COP1: variants seen among roughly 807,000 people sequenced by gnomAD.
The protein encoded by COP1 is E3 ubiquitin-protein ligase COP1.
In COP1, 24 loss-of-function variants were observed where a neutral mutation model predicts 101.3. The observed-to-expected ratio is 0.24, with a 90% CI of 0.17 to 0.33. The LOEUF (loss-of-function observed/expected upper bound fraction) is 0.33. Ranked by LOEUF, COP1 falls within the 10% of genes least tolerant of loss-of-function variation. The pLI, the probability that COP1 is intolerant of heterozygous loss-of-function variation, is 1.00. For missense variants in COP1, 663 were observed against 906.2 expected (o/e 0.73, Z 3.45); for synonymous variants, 347 against 341.9 (o/e 1.01, Z -0.17).
chr1:176,146,186 A>C (rs1691560984), intron 6 of COP1, among the ~76,000 whole-genome samples: 1 of 152,212 alleles, frequency 6.6e-6, no homozygotes, highest in Non-Finnish European at 1.5e-5. Context: ...GAATCATTCA[A>C]ATGCTGGTAC....
At chr1:176,035,668 T>C (rs145722934) in intron 14 of COP1, among the ~76,000 whole-genome samples, 78 of 104,198 alleles carry the variant, frequency 7.5e-4, no homozygotes, top group Middle Eastern at 7.9e-3. Context: ...AGAAATAAAA[T>C]CAGACTTTAA....
intron 6 of COP1, among the ~76,000 whole-genome samples, chr1:176,140,608 G>T (rs529049721): frequency 2.0e-5 from 3 of 152,078 alleles, no homozygotes; most frequent in Admixed American, 6.5e-5. Flanking sequence ...GAAGAAATGG[G>T]CTAAATTCAC....
chr1:176,161,367 T>C (rs1053695065), intron 5 of COP1, among the ~76,000 whole-genome samples: 4 of 152,072 alleles, frequency 2.6e-5, no homozygotes, highest in African/African-American at 7.3e-5. Context: ...GGTGGGAGGA[T>C]TGCTTGAAGC....
chr1:176,086,458 C>G (rs1029275809), intron 9 of COP1, among the ~76,000 whole-genome samples: 4 of 152,024 alleles, frequency 2.6e-5, no homozygotes, highest in African/African-American at 9.7e-5. Flanking sequence ...GATCTCCTGA[C>G]CTCATGATCC....
intron 9 of COP1, among the ~76,000 whole-genome samples, chr1:176,113,435 G>A (rs920364533): frequency 6.6e-6 from 1 of 152,002 alleles, no homozygotes; most frequent in Non-Finnish European, 1.5e-5. Flanking sequence ...ATATATTCTG[G>A]TTATTAATCC....
intron 11 of COP1, among the ~76,000 whole-genome samples, chr1:176,075,784 C>T (rs901472291): frequency 6.6e-6 from 1 of 151,994 alleles, no homozygotes; most frequent in Non-Finnish European, 1.5e-5. Flanking sequence ...GCAGGTGGAT[C>T]AAGAGGTCAG....
rs57110017 is a variant in COP1, at chr1:175,998,063, T to TAAAAAAAA, written c.1730-8592_1730-8585dup. Among the ~76,000 whole-genome samples, 192 of 66,816 alleles carry TAAAAAAAA rather than the reference T, an allele frequency of 2.9e-3. 3 individuals are homozygous for TAAAAAAAA. Among genetic ancestry groups the TAAAAAAAA allele is most frequent in the South Asian group, 0.013 (19 of 1,472 alleles). The allele number at this position is 66,816 out of a possible 152,430, so 43.8% of individuals were successfully genotyped here. A position where few individuals can be genotyped will look rare whatever the true frequency, so the allele number is the denominator to read the frequency against. On this transcript the variant is annotated intron_variant, in intron 15 of 19. Coordinates refer to ENST00000367669, the MANE Select transcript of COP1 (RefSeq NM_022457.7). ...TGTACCCTAAAACTTAGAGTATAAT[T>TAAAAAAAA]AAAAAAAAAAAAAAAAAAAAAAAAA... is the stretch of plus-strand genomic sequence containing the variant.
At chr1:176,134,893 G>A (rs1689548913) in intron 8 of COP1, 117 bp downstream of exon 8, 1 of 659,222 alleles carries the variant, frequency 1.5e-6, no homozygotes, top group Admixed American at 2.6e-5. Context: ...TCTAGATCAT[G>A]ACCAAAGTAA....
Position 176,149,008 on chromosome 1 carries a change from C to G in COP1, c.829G>C (p.Glu277Gln). 6.4e-7 allele frequency: 1 copy of G among 1,560,380 alleles called. No individual in the cohort carries two copies. Among genetic ancestry groups the G allele is most frequent in the Non-Finnish European group, 8.8e-7 (1 of 1,138,858 alleles). Residue 277 changes from glutamate (E) to glutamine (Q), a missense_variant and splice_region_variant, in exon 6 of 20, where the codon GAG (glutamate) becomes CAG (glutamine). Glu to Gln is a conservative substitution (Grantham distance 29). Coordinates refer to ENST00000367669, the MANE Select transcript of COP1 (RefSeq NM_022457.7). Reference sequence around the variant, plus strand: ...GTAAAACACACAAAATAATATACCTCTCTCTTATTTCTTCTTGCAACCTTG... The same window carrying G: ...GTAAAACACACAAAATAATATACCTGTCTCTTATTTCTTCTTGCAACCTTG... ...FLKVARRNKR[E>Q]QLEQIQKELS... is the part of the protein sequence containing the mutation.
chr1:176,193,247 T>G (rs1286200362), intron 1 of COP1, among the ~76,000 whole-genome samples: 2 of 152,102 alleles, frequency 1.3e-5, no homozygotes, highest in African/African-American at 4.8e-5. Flanking sequence ...ACCCATTAGG[T>G]TGGCTATTAT....
At chr1:176,107,093 A>G (rs1419539352) in intron 9 of COP1, among the ~76,000 whole-genome samples, 3 of 152,196 alleles carry the variant, frequency 2.0e-5, no homozygotes, top group Non-Finnish European at 4.4e-5. Context: ...GCCTGTAATC[A>G]CACTGTTCCA....
chr1:176,172,674 G>A (rs1441619034), intron 3 of COP1, among the ~76,000 whole-genome samples: 3 of 152,154 alleles, frequency 2.0e-5, no homozygotes, highest in Admixed American at 1.3e-4. Flanking sequence ...ACTAAGAACT[G>A]CAGGCATTAT....
chr1:176,057,701 G>A (rs1673856848), intron 11 of COP1, among the ~76,000 whole-genome samples: 1 of 152,174 alleles, frequency 6.6e-6, no homozygotes, highest in South Asian at 2.1e-4. Flanking sequence ...CCACCTCCCA[G>A]CAGCCTGCCT....
intron 8 of COP1, among the ~76,000 whole-genome samples, chr1:176,127,612 TG>T (rs1051303068): frequency 1.3e-4 from 19 of 150,854 alleles, no homozygotes; most frequent in African/African-American, 4.4e-4. Context: ...TGTGTGTGTG[TG>T]TATATATATA....
chr1:176,206,469 A>T, intron 1 of COP1, 103 bp downstream of exon 1: 1 of 1,369,804 alleles, frequency 7.3e-7, no homozygotes, highest in Non-Finnish European at 1.0e-6. Context: ...CCAGTATCCC[A>T]AGCTCTCCAA....
intron 1 of COP1, among the ~76,000 whole-genome samples, chr1:176,189,262 T>C (rs1698832027): frequency 6.6e-6 from 1 of 152,176 alleles, no homozygotes; most frequent in Non-Finnish European, 1.5e-5. Context: ...TTCAGTTCTT[T>C]TATTATTGTT....
At chr1:176,124,440 C>T (rs927220989) in intron 8 of COP1, among the ~76,000 whole-genome samples, 13 of 149,270 alleles carry the variant, frequency 8.7e-5, no homozygotes, top group Admixed American at 7.4e-4. Context: ...CCTTTCCCAG[C>T]TTCTGGTAAC....
At chr1:176,062,666 A>C (rs1675073553) in intron 11 of COP1, among the ~76,000 whole-genome samples, 1 of 152,240 alleles carries the variant, frequency 6.6e-6, no homozygotes, top group South Asian at 2.1e-4. Flanking sequence ...ATAAACATTA[A>C]TATCCAAAAT....
intron 8 of COP1, among the ~76,000 whole-genome samples, chr1:176,124,350 G>T: frequency 6.6e-6 from 1 of 151,442 alleles, no homozygotes; most frequent in African/African-American, 2.4e-5. Flanking sequence ...TCAAATACTA[G>T]ATCTTATTCA....
Sources: gnomAD v4.1 joint callset for allele counts (sites outside exome capture counted in the v4.1 genomes callset) on GRCh38, gnomAD v4.1.1 for gene constraint, MANE v1.5 for transcripts, NCBI Gene and HGNC (gene_info 2026-07-23, HGNC 2026-07-21) for gene names.